F2RL1: variants seen among roughly 807,000 people sequenced by gnomAD.
F2RL1 encodes F2R like trypsin receptor 1.
A neutral mutation model predicts 21.7 loss-of-function variants in F2RL1; 16 were observed. That is an observed-to-expected ratio of 0.74 (90% CI 0.50 to 1.12). F2RL1 has a LOEUF of 1.12. F2RL1 is among the 50% of genes most tolerant of loss of function. The pLI, the probability that F2RL1 is intolerant of heterozygous loss-of-function variation, is 0.00. For missense variants in F2RL1, 432 were observed against 477.8 expected (o/e 0.90, Z 0.89); for synonymous variants, 181 against 186.7 (o/e 0.97, Z 0.25).
chr5:76,830,593 AACG>A (rs749253942), intron 1 of F2RL1, among the ~76,000 whole-genome samples: 12 of 152,130 alleles, frequency 7.9e-5, no homozygotes, highest in Non-Finnish European at 1.6e-4. Context: ...TTATCTTAGA[AACG>A]ACACTTGTCA....
chr5:76,819,090 G>A lies in F2RL1; in HGVS notation c.-93G>A. On this transcript the variant is annotated 5_prime_UTR_variant, in exon 1 of 2. Transcript: ENST00000296677. ...GGCTCCGATTCGGGGCAGGTGAGAG[G>A]CTGACTTTCTCTCGGTGCGTCCAGT... 9.3e-7 allele frequency: 1 copy of A among 1,069,726 alleles called. No homozygotes were observed. Among genetic ancestry groups the A allele is most frequent in the Non-Finnish European group, 1.3e-6 (1 of 741,956 alleles). 66.3% of individuals were successfully genotyped at this position (1,069,726 alleles called of 1,614,324 possible).
intron 1 of F2RL1, among the ~76,000 whole-genome samples, chr5:76,825,945 G>A (rs1213593722): frequency 1.3e-5 from 2 of 151,994 alleles, no homozygotes; most frequent in African/African-American, 4.8e-5. Context: ...CAGATTTTGA[G>A]CACTCTTTAT....
At chr5:76,824,333 C>T (rs1750201477) in intron 1 of F2RL1, among the ~76,000 whole-genome samples, 1 of 150,502 alleles carries the variant, frequency 6.6e-6, no homozygotes, top group Non-Finnish European at 1.5e-5. Context: ...CCCCTCTTCC[C>T]GCCCATCCCC....
chr5:76,834,067 CAG>C lies in F2RL1; in HGVS notation c.*268_*269del, dbSNP rs1750412723. 2.7e-6 allele frequency: 1 copy of C among 374,216 alleles called. No homozygotes were observed. The highest frequency in any genetic ancestry group is 4.8e-6 in the Non-Finnish European group (1 of 208,814). The allele number at this position is 374,216 out of a possible 1,614,324, so 23.2% of individuals were successfully genotyped here. The stretch of plus-strand genomic sequence containing the variant: ...CAGACTTTTCAGAAGATGGTGAAGA[CAG>C]AAACCCAGTAACTTGCAAAAAGTAG... On this transcript the variant is annotated 3_prime_UTR_variant, in exon 2 of 2. Transcript: ENST00000296677.
chr5:76,828,219 T>C (rs1398187619), intron 1 of F2RL1, among the ~76,000 whole-genome samples: 1 of 152,124 alleles, frequency 6.6e-6, no homozygotes, highest in Non-Finnish European at 1.5e-5. Context: ...TCCACCCACC[T>C]CGGCCTCCAA....
chr5:76,830,232 C>T (rs942197732), intron 1 of F2RL1, among the ~76,000 whole-genome samples: 1 of 152,174 alleles, frequency 6.6e-6, no homozygotes, highest in Non-Finnish European at 1.5e-5. Context: ...TCACTCACTC[C>T]TCTGGCTTCT....
At chr5:76,827,492 G>A (rs1477000760) in intron 1 of F2RL1, among the ~76,000 whole-genome samples, 2 of 149,574 alleles carry the variant, frequency 1.3e-5, no homozygotes, top group African/African-American at 2.5e-5. Context: ...GCGAGACTCC[G>A]TCTCAAAAAA....
At chr5:76,828,692 C>T (rs1454700614) in intron 1 of F2RL1, among the ~76,000 whole-genome samples, 1 of 151,368 alleles carries the variant, frequency 6.6e-6, no homozygotes, top group East Asian at 1.9e-4. Flanking sequence ...CACGGTCTTG[C>T]TATGTTGGCC....
chr5:76,821,711 C>T (rs1278398427), intron 1 of F2RL1, among the ~76,000 whole-genome samples: 1 of 151,228 alleles, frequency 6.6e-6, no homozygotes, highest in Admixed American at 6.6e-5. Context: ...TCCCGAGTAG[C>T]TGGGACGACA....
intron 1 of F2RL1, among the ~76,000 whole-genome samples, chr5:76,831,535 ATTT>A (rs3053251): frequency 8.2e-5 from 11 of 134,138 alleles, no homozygotes; most frequent in Non-Finnish European, 9.3e-5. Flanking sequence ...TCCTAAACTG[ATTT>A]TTTTTTTTTT....
rs750923364 is a variant in F2RL1, at chr5:76,833,714, G to GA, written c.1108dup (p.Met370AsnfsTer25). On this transcript the variant is annotated frameshift_variant, in exon 2 of 2. Coordinates refer to ENST00000296677, the MANE Select transcript of F2RL1 (RefSeq NM_005242.6). LOFTEE classifies it high-confidence loss of function. ...GCCGAAGTGTCCGCACTGTAAAGCA[G>GA]ATGCAAGTATCCCTCACCTCAAAGA... 3 of 1,613,884 alleles carry GA rather than the reference G, an allele frequency of 1.9e-6. No individual in the cohort carries two copies. In the African/African-American group the frequency reaches 4.0e-5, roughly 22 times the overall value.
chr5:76,833,912 G>GGTGA lies in F2RL1; in HGVS notation c.*112_*113insTGAG. The GGTGA allele has an allele frequency of 5.1e-6, 6 of 1,187,764 alleles. No individual in the cohort carries two copies. The highest frequency in any genetic ancestry group is 7.1e-6 in the Non-Finnish European group (6 of 845,536). 73.6% of individuals were successfully genotyped at this position (1,187,764 alleles called of 1,614,324 possible). A position where few individuals can be genotyped will look rare whatever the true frequency, so the allele number is the denominator to read the frequency against. ...AAAAAGGTCTCACCACATACCATGT[G>GGTGA]GATGCAGCACCTCTCAGGATTGCTA... is the stretch of plus-strand genomic sequence containing the variant. On this transcript the variant is annotated 3_prime_UTR_variant, in exon 2 of 2. Coordinates refer to ENST00000296677, the MANE Select transcript of F2RL1 (RefSeq NM_005242.6).
intron 1 of F2RL1, among the ~76,000 whole-genome samples, chr5:76,823,098 C>T (rs1246346759): frequency 1.3e-5 from 2 of 151,818 alleles, no homozygotes; most frequent in African/African-American, 2.4e-5. Context: ...GGCATGGTGG[C>T]GGGCGCCTGT....
intron 1 of F2RL1, among the ~76,000 whole-genome samples, chr5:76,829,941 A>T (rs868638883): frequency 1.3e-4 from 20 of 152,088 alleles, no homozygotes; most frequent in Middle Eastern, 3.4e-3. Flanking sequence ...AGAATTATAT[A>T]AAAAAAATAG....
chr5:76,819,390 T>G (rs1750086118), intron 1 of F2RL1, 126 bp downstream of exon 1: 2 of 763,140 alleles, frequency 2.6e-6, no homozygotes, highest in Admixed American at 6.3e-5. Context: ...TCTCTACGAA[T>G]CCCTTAGCCT....
chr5:76,825,029 A>G (rs1233516350), intron 1 of F2RL1, among the ~76,000 whole-genome samples: 2 of 133,160 alleles, frequency 1.5e-5, no homozygotes, highest in Non-Finnish European at 3.1e-5. Flanking sequence ...TTTTTTTGAG[A>G]CAGAGTCTCA....
Position 76,832,932 on chromosome 5 carries a change from C to A in F2RL1, c.325C>A (p.Pro109Thr), listed in dbSNP as rs1225377822. The change falls in exon 2 of 2, where the codon CCT (proline) becomes ACT (threonine). Residue 109 changes from proline to threonine, a missense_variant. Coordinates refer to ENST00000296677, the MANE Select transcript of F2RL1 (RefSeq NM_005242.6). The part of the protein sequence containing the change: ...VFLFRTKKKH[P>T]AVIYMANLAL... ...TCTTTTCCGAACTAAGAAGAAGCAC[C>A]CTGCTGTGATTTACATGGCCAATCT... is the stretch of plus-strand genomic sequence containing the variant. The A allele has an allele frequency of 6.2e-7, 1 of 1,614,044 alleles. No homozygotes were observed. Among genetic ancestry groups the A allele is most frequent in the African/African-American group, 1.3e-5 (1 of 74,912 alleles).
chr5:76,826,311 T>G (rs764707554), intron 1 of F2RL1, among the ~76,000 whole-genome samples: 23 of 152,200 alleles, frequency 1.5e-4, no homozygotes, highest in Non-Finnish European at 2.6e-4. Context: ...TTTTAGAACA[T>G]TTTTATTACC....
chr5:76,819,510 G>C (rs372275210), intron 1 of F2RL1, among the ~76,000 whole-genome samples: 1 of 152,138 alleles, frequency 6.6e-6, no homozygotes, highest in Admixed American at 6.5e-5. Flanking sequence ...TTTCCCCAAA[G>C]ACCCCACTTC....
Sources: allele counts gnomAD v4.1 joint callset (sites outside exome capture counted in the v4.1 genomes callset), GRCh38; gene constraint gnomAD v4.1.1; transcripts MANE v1.5; gene names NCBI Gene and HGNC (gene_info 2026-07-23, HGNC 2026-07-21).